LGR6: variants seen among roughly 807,000 people sequenced by gnomAD.
LGR6 encodes leucine rich repeat containing G protein-coupled receptor 6.
In LGR6, 45 loss-of-function variants were observed where a neutral mutation model predicts 69.4. That is an observed-to-expected ratio of 0.65 (90% CI 0.51 to 0.83). The LOEUF (loss-of-function observed/expected upper bound fraction) is 0.83. Ranked by LOEUF, LGR6 falls within the 40% of genes least tolerant of loss-of-function variation. LGR6 has a pLI of 0.00. For missense variants in LGR6, 1,108 were observed against 1,246.7 expected (o/e 0.89, Z 1.68); for synonymous variants, 538 against 555.0 (o/e 0.97, Z 0.43).
chr1:202,319,233 C>T lies in LGR6; in HGVS notation c.*26C>T, dbSNP rs773221114. 2.3e-5 allele frequency: 36 copies of T among 1,535,830 alleles called. No homozygotes were observed. Among genetic ancestry groups the T allele is most frequent in the Non-Finnish European group, 1.1e-5 (13 of 1,143,146 alleles). On this transcript the variant is annotated 3_prime_UTR_variant, in exon 18 of 18. Transcript: ENST00000367278. Reference sequence around the variant, plus strand: ...ATATCCCTCCCCATTCTTCTCTTCCCCTCTCTTCCCTTTCCTCTCTCCCCC... The same window carrying T: ...ATATCCCTCCCCATTCTTCTCTTCCTCTCTCTTCCCTTTCCTCTCTCCCCC...
intron 15 of LGR6, 53 bp from the exon 16 acceptor site, chr1:202,310,144 C>T: frequency 6.3e-7 from 1 of 1,597,872 alleles, no homozygotes; most frequent in Non-Finnish European, 8.5e-7. Context: ...AGACTTAGGT[C>T]TTAGACCCCA....
Position 202,318,058 on chromosome 1 carries a change from C to G in LGR6, c.1755C>G (p.Thr585=). ...TCTGCAATGGACTGGTGCTGCTGAC[C>G]GTGTTCGCTGGCGGGCCTGTCCCCC... is the stretch of plus-strand genomic sequence containing the variant. ...SVLCNGLVLL[T]VFAGGPVPLP... The change falls in exon 18 of 18, where the codon ACC becomes ACG. Residue 585 remains threonine, a synonymous_variant. Coordinates refer to ENST00000367278, the MANE Select transcript of LGR6 (RefSeq NM_001017403.2). The G allele has an allele frequency of 1.9e-6, 3 of 1,614,176 alleles. No individual in the cohort carries two copies. Among genetic ancestry groups the G allele is most frequent in the Non-Finnish European group, 2.5e-6 (3 of 1,180,032 alleles).
intron 4 of LGR6, among the ~76,000 whole-genome samples, chr1:202,263,840 G>A (rs1170114999): frequency 6.6e-6 from 1 of 152,210 alleles, no homozygotes; most frequent in Admixed American, 6.5e-5. Flanking sequence ...ATTTGCATAT[G>A]AAATAGAGAA....
chr1:202,253,014 C>G (rs985690798), intron 4 of LGR6, among the ~76,000 whole-genome samples: 3 of 152,336 alleles, frequency 2.0e-5, no homozygotes, highest in Non-Finnish European at 2.9e-5. Flanking sequence ...ATGGCTCAGT[C>G]TGGGGACTCC....
intron 4 of LGR6, among the ~76,000 whole-genome samples, chr1:202,242,192 T>C (rs1662265805): frequency 6.6e-6 from 1 of 152,200 alleles, no homozygotes; most frequent in South Asian, 2.1e-4. Flanking sequence ...GTGTCTGTTA[T>C]TCCCATGTTA....
intron 4 of LGR6, among the ~76,000 whole-genome samples, chr1:202,249,732 C>T (rs1362836577): frequency 1.3e-5 from 2 of 152,176 alleles, no homozygotes; most frequent in Admixed American, 6.5e-5. Context: ...AGTGACTGTA[C>T]ATCCTGTTCG....
At chr1:202,302,722 T>C (rs570663589) in intron 9 of LGR6, among the ~76,000 whole-genome samples, 4 of 152,116 alleles carry the variant, frequency 2.6e-5, no homozygotes, top group Admixed American at 2.6e-4. Context: ...GCTTTTTGTA[T>C]TTTTAGTAGA....
At chr1:202,238,745 A>G (rs1256936453) in intron 4 of LGR6, among the ~76,000 whole-genome samples, 4 of 151,664 alleles carry the variant, frequency 2.6e-5, no homozygotes, top group Non-Finnish European at 5.9e-5. Flanking sequence ...TTTTTAAACA[A>G]AATTTTTTGA....
At chr1:202,285,321 G>A (rs1042123945) in intron 6 of LGR6, among the ~76,000 whole-genome samples, 6 of 152,176 alleles carry the variant, frequency 3.9e-5, no homozygotes, top group African/African-American at 1.4e-4. Context: ...CTTTGGCCAG[G>A]GACAGGAAAC....
intron 1 of LGR6, among the ~76,000 whole-genome samples, chr1:202,217,512 C>T (rs1399053642): frequency 2.6e-5 from 4 of 152,126 alleles, no homozygotes; most frequent in Non-Finnish European, 5.9e-5. Context: ...TTAGGAATGT[C>T]TTCCCCTGCC....
At chr1:202,227,804 C>A in intron 2 of LGR6, 132 bp from the exon 3 acceptor site, 1 of 670,742 alleles carries the variant, frequency 1.5e-6, no homozygotes, top group Non-Finnish European at 2.7e-6. Context: ...GTATTAAACG[C>A]ATCGTAGATT....
intron 1 of LGR6, among the ~76,000 whole-genome samples, chr1:202,212,972 T>C (rs574240387): frequency 1.3e-5 from 2 of 152,252 alleles, no homozygotes; most frequent in African/African-American, 4.8e-5. Flanking sequence ...GACCCACAGG[T>C]ACTTGAGATT....
At position 202,307,428 on chromosome 1, in the gene LGR6, G is replaced by A. The variant is rs114483016; in HGVS notation, c.1280+27G>A. 2.0e-3 allele frequency: 3,212 copies of A among 1,609,882 alleles called. 49 individuals carry two copies. The African/African-American group carries it at 0.035, about 17-fold the overall frequency. On this transcript the variant is annotated intron_variant, in intron 14 of 17. Transcript: ENST00000367278. The stretch of plus-strand genomic sequence containing the variant: ...TAAGTGCCTGCTGCATTCTCCTCCA[G>A]GATGCTGGGGGCCAGTCGGGACTAT...
intron 4 of LGR6, among the ~76,000 whole-genome samples, chr1:202,249,313 C>G (rs916854878): frequency 6.6e-6 from 1 of 152,214 alleles, no homozygotes; most frequent in Admixed American, 6.5e-5. Flanking sequence ...AGACCCCATT[C>G]TCCTAGATCT....
intron 4 of LGR6, among the ~76,000 whole-genome samples, chr1:202,267,256 T>G (rs1664745702): frequency 6.6e-6 from 1 of 152,078 alleles, no homozygotes; most frequent in South Asian, 2.1e-4. Flanking sequence ...GTCCTTAGCT[T>G]CCCAGATTAT....
At chr1:202,210,067 G>C (rs1659403567) in intron 1 of LGR6, among the ~76,000 whole-genome samples, 3 of 152,208 alleles carry the variant, frequency 2.0e-5, no homozygotes, top group African/African-American at 7.2e-5. Flanking sequence ...TGGGGTATTT[G>C]GAAGAGGCAA....
chr1:202,273,869 C>T (rs1665322961), intron 4 of LGR6, among the ~76,000 whole-genome samples: 1 of 152,110 alleles, frequency 6.6e-6, no homozygotes, highest in African/African-American at 2.4e-5. Context: ...TCCATCTCTC[C>T]TTGTTGAAAT....
Position 202,319,289 on chromosome 1 carries a change from T to C in LGR6, c.*82T>C, listed in dbSNP as rs1312903867. On this transcript the variant is annotated 3_prime_UTR_variant, in exon 18 of 18. Coordinates refer to ENST00000367278, the MANE Select transcript of LGR6 (RefSeq NM_001017403.2). ...GAATGATGGCTGCTTCTAAAACAAA[T>C]ACAACCAAAACTCAGCAGTGTGATC... is the stretch of plus-strand genomic sequence containing the variant. 7.8e-6 allele frequency: 11 copies of C among 1,406,862 alleles called. No homozygotes were observed. The Admixed American group carries it at 2.2e-4, about 28-fold the overall frequency. 87.1% of individuals were successfully genotyped at this position (1,406,862 alleles called of 1,614,324 possible). A position where few individuals can be genotyped will look rare whatever the true frequency, so the allele number is the denominator to read the frequency against.
chr1:202,242,425 C>T (rs538664548), intron 4 of LGR6, among the ~76,000 whole-genome samples: 2 of 152,314 alleles, frequency 1.3e-5, no homozygotes, highest in East Asian at 3.9e-4. Context: ...AAGTCACTTC[C>T]TCTCTCTGAG....
Sources: allele counts gnomAD v4.1 joint callset (sites outside exome capture counted in the v4.1 genomes callset), GRCh38; gene constraint gnomAD v4.1.1; transcripts MANE v1.5; gene names NCBI Gene and HGNC (gene_info 2026-07-23, HGNC 2026-07-21).